SIPA1L2: variants seen among roughly 807,000 people sequenced by gnomAD.
SIPA1L2 encodes the protein signal induced proliferation associated 1 like 2.
Under a neutral mutation model 163.9 loss-of-function variants are expected in SIPA1L2, and 56 were observed. The observed-to-expected ratio is 0.34, with a 90% CI of 0.28 to 0.43. SIPA1L2 has a LOEUF of 0.43. SIPA1L2 is among the 20% of genes least tolerant of loss of function. SIPA1L2 has a pLI of 1.00. For missense variants in SIPA1L2, 1,974 were observed against 2,193.5 expected (o/e 0.90, Z 2.00); for synonymous variants, 877 against 865.7 (o/e 1.01, Z -0.23).
chr1:232,628,132 A>G (rs751035556), intron 1 of SIPA1L2, among the ~76,000 whole-genome samples: 2 of 152,254 alleles, frequency 1.3e-5, no homozygotes, highest in Admixed American at 6.5e-5. Flanking sequence ...GCTTAAAAAC[A>G]TAACTGGGAG....
At position 232,514,451 on chromosome 1, in the gene SIPA1L2, T is replaced by C. The variant is rs747016956; in HGVS notation, c.889A>G (p.Thr297Ala). Reference protein sequence around the residue: ...VETSLFRKLRTVKSEHETFKF... With the variant: ...VETSLFRKLRAVKSEHETFKF... ...AAAGTTTCGTGCTCACTTTTAACAG[T>C]TCGAAGCTTTCGGAAGAGAGATGTT... The change falls in exon 3 of 23, where the codon ACT (threonine) becomes GCT (alanine). Residue 297 changes from threonine (T) to alanine (A), a missense_variant. Thr to Ala is a moderately conservative substitution (Grantham distance 58, BLOSUM62 0). Coordinates refer to ENST00000674635, the MANE Select transcript of SIPA1L2 (RefSeq NM_020808.5). 6.2e-7 allele frequency: 1 copy of C among 1,614,102 alleles called. No individual in the cohort carries two copies. Among genetic ancestry groups the C allele is most frequent in the Non-Finnish European group, 8.5e-7 (1 of 1,180,040 alleles).
At chr1:232,461,602 A>G (rs1664239972) in intron 9 of SIPA1L2, among the ~76,000 whole-genome samples, 1 of 152,174 alleles carries the variant, frequency 6.6e-6, no homozygotes, top group Admixed American at 6.5e-5. Flanking sequence ...ACCTGTAAAG[A>G]CTTTGTGGAC....
chr1:232,492,474 T>C (rs1029137872), intron 4 of SIPA1L2, among the ~76,000 whole-genome samples: 3 of 152,136 alleles, frequency 2.0e-5, no homozygotes, highest in African/African-American at 7.2e-5. Context: ...GCCTCCTGAG[T>C]AGCTGGGACA....
chr1:232,450,224 G>T (rs1663490437), intron 10 of SIPA1L2, among the ~76,000 whole-genome samples: 1 of 152,192 alleles, frequency 6.6e-6, no homozygotes, highest in Admixed American at 6.5e-5. Flanking sequence ...GAGTTTAACA[G>T]TTACATTATT....
At chr1:232,531,422 T>C (rs1329440081) in intron 2 of SIPA1L2, among the ~76,000 whole-genome samples, 2 of 152,250 alleles carry the variant, frequency 1.3e-5, no homozygotes, top group African/African-American at 2.4e-5. Context: ...GGCTTAGCCA[T>C]GTACTCACTC....
At chr1:232,455,697 A>G (rs758003265) in intron 10 of SIPA1L2, among the ~76,000 whole-genome samples, 8 of 141,032 alleles carry the variant, frequency 5.7e-5, no homozygotes, top group Non-Finnish European at 1.0e-4. Flanking sequence ...CCTGGGCAAC[A>G]GAGCGAGACT....
chr1:232,480,427 TAAAAA>T (rs1185834323), intron 6 of SIPA1L2, among the ~76,000 whole-genome samples: 1 of 152,176 alleles, frequency 6.6e-6, no homozygotes, highest in East Asian at 1.9e-4. Flanking sequence ...ACATATATGT[TAAAAA>T]ACTATGACAT....
rs981538833 is a variant in SIPA1L2 at position 232,603,589 on chromosome 1, G to A, written c.-319+26280C>T. Among the ~76,000 whole-genome samples the A allele has an allele frequency of 3.9e-4, 59 of 152,140 alleles. 1 individual carries two copies. The highest frequency in any genetic ancestry group is 9.2e-4 in the Admixed American group (14 of 15,278). On this transcript the variant is annotated intron_variant, in intron 1 of 22. Coordinates refer to ENST00000674635, the MANE Select transcript of SIPA1L2 (RefSeq NM_020808.5). The stretch of plus-strand genomic sequence containing the variant: ...TGGCAATACCAGGACCCACAGAGCC[G>A]GGAGGGAAGGCCAGATGACGAAAGC...
intron 2 of SIPA1L2, among the ~76,000 whole-genome samples, chr1:232,520,467 A>C (rs1450143660): frequency 2.6e-5 from 4 of 152,230 alleles, no homozygotes; most frequent in Admixed American, 6.5e-5. Flanking sequence ...ATATTTAAGC[A>C]TAATTGTCTT....
intron 8 of SIPA1L2, among the ~76,000 whole-genome samples, chr1:232,469,623 A>G (rs1054047162): frequency 3.3e-5 from 5 of 152,308 alleles, no homozygotes; most frequent in South Asian, 4.1e-4. Context: ...TAATTTAGTA[A>G]TAACAATGTG....
In SIPA1L2 at chr1:232,564,278, GTGTA is replaced by G. The variant is rs200320635; in HGVS notation, c.-270+9892_-270+9895del. The stretch of plus-strand genomic sequence containing the variant: ...TGTGTGTGTGTGTGTGTGTGTGTGT[GTGTA>G]TGATGGAGTTTTGCTCTTGTTGCCC... On this transcript the variant is annotated intron_variant, in intron 2 of 22. Coordinates refer to ENST00000674635, the MANE Select transcript of SIPA1L2 (RefSeq NM_020808.5). 4.9e-3 allele frequency among the ~76,000 whole-genome samples: 468 copies of G among 95,772 alleles called. 24 individuals are homozygous for G. The highest frequency in any genetic ancestry group is 0.014 in the Middle Eastern group (2 of 142). The allele number at this position is 95,772 out of a possible 152,430, so 62.8% of individuals were successfully genotyped here.
At chr1:232,484,071 C>T in intron 5 of SIPA1L2, 105 bp from the exon 6 acceptor site, 1 of 1,066,966 alleles carries the variant, frequency 9.4e-7, no homozygotes, top group South Asian at 1.6e-5. Context: ...GGAAAGCATG[C>T]CAGAACAATT....
intron 8 of SIPA1L2, among the ~76,000 whole-genome samples, chr1:232,469,912 C>T (rs1352574714): frequency 6.6e-6 from 1 of 151,532 alleles, no homozygotes; most frequent in Non-Finnish European, 1.5e-5. Flanking sequence ...TATTGCCTAT[C>T]TTTACAATTT....
Position 232,439,379 on chromosome 1 carries a change from C to T in SIPA1L2, c.3760G>A (p.Gly1254Arg), listed in dbSNP as rs1662755321. Residue 1254 changes from glycine (G) to arginine (R), a missense_variant, in exon 15 of 23, where the codon GGG (glycine) becomes AGG (arginine). By Grantham distance (125) the Gly-to-Arg change is moderately radical. Transcript: ENST00000674635. ...SGDLMDPELL[G>R]LTYIKGASTD... ...GAGGCCCCTTTGATGTAGGTCAGCC[C>T]CAGTAATTCGGGGTCCATCAGGTCG... is the stretch of plus-strand genomic sequence containing the variant. 1 of 1,614,188 alleles carries T rather than the reference C, an allele frequency of 6.2e-7. No homozygotes were observed. Among genetic ancestry groups the T allele is most frequent in the Non-Finnish European group, 8.5e-7 (1 of 1,180,032 alleles).
intron 2 of SIPA1L2, among the ~76,000 whole-genome samples, chr1:232,561,848 G>A (rs902907491): frequency 1.4e-4 from 22 of 152,210 alleles, no homozygotes; most frequent in African/African-American, 5.3e-4. Flanking sequence ...ACAGGGCAGC[G>A]TGTGGAATGC....
At chr1:232,534,435 C>G (rs901005818) in intron 2 of SIPA1L2, among the ~76,000 whole-genome samples, 4 of 152,154 alleles carry the variant, frequency 2.6e-5, no homozygotes, top group Non-Finnish European at 5.9e-5. Flanking sequence ...CTATAAAACT[C>G]ATAGAAGAAA....
chr1:232,568,570 G>A (rs1359460259), intron 2 of SIPA1L2, among the ~76,000 whole-genome samples: 1 of 152,146 alleles, frequency 6.6e-6, no homozygotes, highest in African/African-American at 2.4e-5. Context: ...TCCAAGCCTT[G>A]GGAAGAGGAG....
At chr1:232,556,397 T>A (rs1050004168) in intron 2 of SIPA1L2, among the ~76,000 whole-genome samples, 1 of 143,276 alleles carries the variant, frequency 7.0e-6, no homozygotes, top group African/African-American at 2.7e-5. Context: ...ACCCAAAACT[T>A]CTTCTCTCCC....
chr1:232,504,144 GT>G (rs1336740658), intron 3 of SIPA1L2, among the ~76,000 whole-genome samples: 1 of 152,122 alleles, frequency 6.6e-6, no homozygotes, highest in Non-Finnish European at 1.5e-5. Flanking sequence ...AGAGGTTGCA[GT>G]GAGCCAAGAT....
Sources: gnomAD v4.1 joint callset for allele counts (sites outside exome capture counted in the v4.1 genomes callset) on GRCh38, gnomAD v4.1.1 for gene constraint, MANE v1.5 for transcripts, NCBI Gene and HGNC (gene_info 2026-07-23, HGNC 2026-07-21) for gene names.